The following PRELID3B variants were observed in gnomAD, a reference collection of about 807,000 sequenced individuals.
PRELID3B encodes the protein PRELI domain containing 3B, also known as PRELI domain containing protein 3B.
PRELID3B carries 15 observed loss-of-function variants against 24.0 expected under a neutral mutation model. The observed-to-expected ratio is 0.63, with a 90% confidence interval of 0.42 to 0.96. The LOEUF (loss-of-function observed/expected upper bound fraction) is 0.96, where lower values mean the gene tolerates loss of function less well. Ranked by LOEUF, PRELID3B falls within the 40% of genes least tolerant of loss-of-function variation. PRELID3B has a pLI of 0.00. For missense variants in PRELID3B, 189 were observed against 236.0 expected (o/e 0.80, Z 1.30); for synonymous variants, 62 against 76.0 (o/e 0.82, Z 0.96).
chr20:59,037,782 CT>C (rs1366068159), intron 2 of PRELID3B, among the ~76,000 whole-genome samples: 5 of 152,348 alleles, frequency 3.3e-5, no homozygotes, highest in East Asian at 3.9e-4. Flanking sequence ...AGCCCACCCC[CT>C]GACCCTGCTC....
chr20:59,038,840 C>T (rs1232320665), intron 1 of PRELID3B, among the ~76,000 whole-genome samples: 4 of 152,118 alleles, frequency 2.6e-5, no homozygotes, highest in African/African-American at 9.7e-5. Context: ...TTCCACAATA[C>T]AGGCTATGTA....
chr20:59,036,724 GTC>G lies in PRELID3B; in HGVS notation c.326_327del (p.Arg109ThrfsTer27). ...TCCTGAGGATGTGGTTTGTATATAA[GTC>G]TCTCATCTACTGAAACCATGTTTGT... ...SFTNMVSVDE[R>X]LIYKPHPQDP... On this transcript the variant is annotated frameshift_variant, in exon 4 of 6. Coordinates refer to ENST00000355937, the MANE Select transcript of PRELID3B (RefSeq NM_016045.3). LOFTEE classifies it high-confidence loss of function. 6.3e-7 allele frequency: 1 copy of G among 1,595,276 alleles called. No homozygotes were observed. The highest frequency in any genetic ancestry group is 1.1e-5 in the South Asian group (1 of 89,588).
intron 5 of PRELID3B, among the ~76,000 whole-genome samples, chr20:59,035,626 C>T (rs1053780735): frequency 2.6e-5 from 4 of 152,194 alleles, no homozygotes; most frequent in African/African-American, 9.7e-5. Context: ...TCTTGGAATA[C>T]CCCTCGCAAT....
At chr20:59,042,130 G>A (rs2092114496) in intron 1 of PRELID3B, among the ~76,000 whole-genome samples, 1 of 152,244 alleles carries the variant, frequency 6.6e-6, no homozygotes, top group Non-Finnish European at 1.5e-5. Flanking sequence ...TACAGCCAGA[G>A]CTAGACCTTG....
intron 2 of PRELID3B, 41 bp downstream of exon 2, chr20:59,038,425 C>CTA (rs2092088643): frequency 3.8e-6 from 6 of 1,583,000 alleles, no homozygotes; most frequent in Non-Finnish European, 5.2e-6. Flanking sequence ...GAAAACTTCT[C>CTA]TACAGCAGTC....
At position 59,036,760 on chromosome 20, in the gene PRELID3B, T is replaced by G. The variant is rs769502394; in HGVS notation, c.292A>C (p.Ile98Leu). Residue 98 changes from isoleucine (I) to leucine (L), a missense_variant and splice_region_variant, in exon 4 of 6, where the codon ATT (isoleucine) becomes CTT (leucine). Coordinates refer to ENST00000355937, the MANE Select transcript of PRELID3B (RefSeq NM_016045.3). ...EKTMELKSTN[I>L]SFTNMVSVDE... ...ACTGAAACCATGTTTGTAAATGAAATCTACAGAATGAAGAAAAAAAAAAAA... is the reference window on the plus strand; with the variant it reads ...ACTGAAACCATGTTTGTAAATGAAAGCTACAGAATGAAGAAAAAAAAAAAA... The G allele has an allele frequency of 1.3e-6, 2 of 1,542,030 alleles. No homozygotes were observed. Among genetic ancestry groups the G allele is most frequent in the African/African-American group, 2.8e-5 (2 of 71,576 alleles).
At chr20:59,042,584 G>C in intron 1 of PRELID3B, 115 bp downstream of exon 1, 1 of 1,210,318 alleles carries the variant, frequency 8.3e-7, no homozygotes, top group South Asian at 1.4e-5. Context: ...TTCAGAGTTC[G>C]CTCCCCTCGC....
At chr20:59,042,553 G>T in intron 1 of PRELID3B, 146 bp downstream of exon 1, 1 of 545,694 alleles carries the variant, frequency 1.8e-6, no homozygotes, top group Non-Finnish European at 2.9e-6. Flanking sequence ...TCTGCCCTCC[G>T]TGTCGCCGGG....
At position 59,036,586 on chromosome 20, in the gene PRELID3B, A is replaced by G. The variant is rs1280556056; in HGVS notation, c.363-13T>C. On this transcript the variant is annotated splice_polypyrimidine_tract_variant and intron_variant, in intron 4 of 5. Transcript: ENST00000355937. ...TGTCAAAACAGTTCTGGAACAAAAC[A>G]TATTCACACAGGTTCAGATGACCCA... The G allele has an allele frequency of 6.2e-6, 10 of 1,607,570 alleles. No individual in the cohort carries two copies. The African/African-American group carries it at 8.2e-5, about 13-fold the overall frequency.
chr20:59,036,623 C>A, intron 4 of PRELID3B, 50 bp from the exon 5 acceptor site: 1 of 1,590,160 alleles, frequency 6.3e-7, no homozygotes, highest in South Asian at 1.1e-5. Context: ...CTTTCATTTT[C>A]AAAAAACTTG....
intron 5 of PRELID3B, 113 bp from the exon 6 acceptor site, chr20:59,035,239 G>T: frequency 2.1e-6 from 2 of 948,124 alleles, no homozygotes; most frequent in South Asian, 4.3e-5. Context: ...TCAATCTCAG[G>T]ATGACAGATC....
chr20:59,035,028 T>C lies in PRELID3B; in HGVS notation c.564A>G (p.Ala188=). Residue 188 remains alanine (A), a synonymous_variant, in exon 6 of 6, where the codon GCA becomes GCG. Transcript: ENST00000355937. ...ARGTIRTPMA[A]AAFAEK ...ACGATCACTTCTCTGCAAACGCTGC[T>C]GCTGCCATTGGAGTCCTTATGGTTC... 6.2e-7 allele frequency: 1 copy of C among 1,613,902 alleles called. No individual in the cohort carries two copies. The highest frequency in any genetic ancestry group is 1.1e-5 in the South Asian group (1 of 91,040).
Position 59,035,007 on chromosome 20 carries a change from T to A in PRELID3B, c.585A>T (p.Ter195CysextTer2). The A allele has an allele frequency of 6.2e-7, 1 of 1,612,184 alleles. No individual in the cohort carries two copies. Among genetic ancestry groups the A allele is most frequent in the South Asian group, 1.1e-5 (1 of 90,794 alleles). Residue 195 changes from the stop codon to cysteine, a stop_lost, in exon 6 of 6, where the codon TGA becomes TGT. Coordinates refer to ENST00000355937, the MANE Select transcript of PRELID3B (RefSeq NM_016045.3). Reference protein sequence around the residue: ...PMAAAAFAEK* With the variant: ...PMAAAAFAEKC The stretch of plus-strand genomic sequence containing the variant: ...CGATGTTGTCTACCAACTGTCACGA[T>A]CACTTCTCTGCAAACGCTGCTGCTG...
chr20:59,034,890 CAAA>C lies in PRELID3B; in HGVS notation c.*114_*116del, dbSNP rs34173406. On this transcript the variant is annotated 3_prime_UTR_variant, in exon 6 of 6. Coordinates refer to ENST00000355937, the MANE Select transcript of PRELID3B (RefSeq NM_016045.3). Reference sequence around the variant, plus strand: ...GTCACATAGCCTTACACCAACTTATCAAAAAAAAAAAAAAAAAAACTACCCAAA... The same window carrying C: ...GTCACATAGCCTTACACCAACTTATCAAAAAAAAAAAAAAAACTACCCAAA... 52,570 of 663,406 alleles carry C rather than the reference CAAA, an allele frequency of 0.079. 361 individuals are homozygous for C. Among genetic ancestry groups the C allele is most frequent in the Middle Eastern group, 0.11 (213 of 1,994 alleles). 41.1% of individuals were successfully genotyped at this position (663,406 alleles called of 1,614,324 possible).
Position 59,037,304 on chromosome 20 carries a change from G to T in PRELID3B, c.202-24C>A, listed in dbSNP as rs898941317. The T allele has an allele frequency of 2.0e-6, 3 of 1,511,826 alleles. No individual in the cohort carries two copies. The Admixed American group carries it at 5.0e-5, about 25-fold the overall frequency. The allele number at this position is 1,511,826 out of a possible 1,614,324, so 93.7% of individuals were successfully genotyped here. On this transcript the variant is annotated intron_variant, in intron 2 of 5. Coordinates refer to ENST00000355937, the MANE Select transcript of PRELID3B (RefSeq NM_016045.3). ...AGCTAAGTAAAACATTCAGAACTAG[G>T]AATCAGAGGAGGAAGAATTTCTTAC... is the stretch of plus-strand genomic sequence containing the variant.
chr20:59,033,893 T>C lies in PRELID3B; in HGVS notation c.*1114A>G, dbSNP rs1367649575. ...GACATCCCAAATAAGGAATTCCCGTTAAGTAAAACCTGCAGTGCAATTCAC... is the reference window on the plus strand; with the variant it reads ...GACATCCCAAATAAGGAATTCCCGTCAAGTAAAACCTGCAGTGCAATTCAC... On this transcript the variant is annotated 3_prime_UTR_variant, in exon 6 of 6. Transcript: ENST00000355937. 1.3e-5 allele frequency: 2 copies of C among 152,224 alleles called. No homozygotes were observed. The highest frequency in any genetic ancestry group is 4.8e-5 in the African/African-American group (2 of 41,450). 9.4% of individuals were successfully genotyped at this position (152,224 alleles called of 1,614,324 possible). A position where few individuals can be genotyped will look rare whatever the true frequency, so the allele number is the denominator to read the frequency against.
intron 5 of PRELID3B, 43 bp downstream of exon 5, chr20:59,036,428 G>A: frequency 6.8e-7 from 1 of 1,462,920 alleles, no homozygotes; most frequent in Non-Finnish European, 9.6e-7. Flanking sequence ...CCATTCCCAG[G>A]AAATGAACCA....
At position 59,035,032 on chromosome 20, in the gene PRELID3B, G is replaced by C. The variant is rs779437918; in HGVS notation, c.560C>G (p.Ala187Gly). Residue 187 changes from alanine to glycine, a missense_variant, in exon 6 of 6, where the codon GCA becomes GGA. By Grantham distance (60) the Ala-to-Gly change is moderately conservative. Coordinates refer to ENST00000355937, the MANE Select transcript of PRELID3B (RefSeq NM_016045.3). The part of the protein sequence containing the change: ...SARGTIRTPM[A>G]AAAFAEK ...TCACTTCTCTGCAAACGCTGCTGCTGCCATTGGAGTCCTTATGGTTCCTCT... is the reference window on the plus strand; with the variant it reads ...TCACTTCTCTGCAAACGCTGCTGCTCCCATTGGAGTCCTTATGGTTCCTCT... 6.8e-6 allele frequency: 11 copies of C among 1,613,794 alleles called. No individual in the cohort carries two copies. In the South Asian group the frequency reaches 1.1e-4, roughly 16 times the overall value.
At chr20:59,039,072 A>G (rs191029729) in intron 1 of PRELID3B, among the ~76,000 whole-genome samples, 1 of 152,366 alleles carries the variant, frequency 6.6e-6, no homozygotes, top group Non-Finnish European at 1.5e-5. Flanking sequence ...ACAAAAGTAA[A>G]AGAGTTTATG....
Sources: allele counts gnomAD v4.1 joint callset (sites outside exome capture counted in the v4.1 genomes callset), GRCh38; gene constraint gnomAD v4.1.1; transcripts MANE v1.5; gene names NCBI Gene and HGNC (gene_info 2026-07-23, HGNC 2026-07-21).